The following GINS2 variants were observed in gnomAD, a reference collection of about 807,000 sequenced individuals.
GINS2 encodes the protein GINS complex subunit 2.
A neutral mutation model predicts 21.2 loss-of-function variants in GINS2; 23 were observed. That is an observed-to-expected ratio of 1.08 (90% CI 0.78 to 1.53). GINS2 has a LOEUF of 1.53. GINS2 is among the 40% of genes most tolerant of loss of function. The pLI is 0.00. For synonymous variants in GINS2, 118 were observed against 85.6 expected (o/e 1.38, Z -2.09); for missense variants, 323 against 233.9 (o/e 1.38, Z -2.49).
At position 85,686,011 on chromosome 16, in the gene GINS2, A is replaced by ATT. The variant is rs111568499; in HGVS notation, c.205+1447_205+1448dup. ...CACCAACACACACAAAAAAATTAAG[A>ATT]TTTTTTTTCCCTATAATAAGCTACT... is the stretch of plus-strand genomic sequence containing the variant. On this transcript the variant is annotated intron_variant, in intron 2 of 4. Transcript: ENST00000253462. Among the ~76,000 whole-genome samples, 938 of 151,616 alleles carry ATT rather than the reference A, an allele frequency of 6.2e-3. 12 individuals are homozygous for ATT. The highest frequency in any genetic ancestry group is 0.021 in the African/African-American group (875 of 41,294).
Position 85,677,831 on chromosome 16 carries a change from T to A in GINS2, c.*381A>T, listed in dbSNP as rs1241119556. 1 of 171,654 alleles carries A rather than the reference T, an allele frequency of 5.8e-6. No individual in the cohort carries two copies. The highest frequency in any genetic ancestry group is 1.3e-5 in the Non-Finnish European group (1 of 79,904). 10.6% of individuals were successfully genotyped at this position (171,654 alleles called of 1,614,324 possible). ...AGGATCAAGAAGGGGTAAAAAGCCGTGGACCACATGGCCACTCCTGCTGTA... is the reference window on the plus strand; with the variant it reads ...AGGATCAAGAAGGGGTAAAAAGCCGAGGACCACATGGCCACTCCTGCTGTA... On this transcript the variant is annotated 3_prime_UTR_variant, in exon 5 of 5. Coordinates refer to ENST00000253462, the MANE Select transcript of GINS2 (RefSeq NM_016095.3).
chr16:85,687,356 G>T, intron 2 of GINS2, 104 bp downstream of exon 2: 1 of 596,750 alleles, frequency 1.7e-6, no homozygotes, highest in Non-Finnish European at 3.0e-6. Flanking sequence ...GAGGGAGCAC[G>T]GACCTAGTCA....
chr16:85,681,665 C>G lies in GINS2; in HGVS notation c.222G>C (p.Met74Ile), dbSNP rs1598759805. 1 of 1,604,954 alleles carries G rather than the reference C, an allele frequency of 6.2e-7. No individual in the cohort carries two copies. The highest frequency in any genetic ancestry group is 1.1e-5 in the South Asian group (1 of 90,808). Reference sequence around the variant, plus strand: ...TTTCTTCCTTTCGTTCATGATCCCTCATCTTCTCCAACTTTTCTGAAATTT... The same window carrying G: ...TTTCTTCCTTTCGTTCATGATCCCTGATCTTCTCCAACTTTTCTGAAATTT... ...EWMDVEKLEK[M>I]RDHERKEETF... The change falls in exon 3 of 5, where the codon ATG (methionine) becomes ATC (isoleucine). Residue 74 changes from methionine (M) to isoleucine (I), a missense_variant. Transcript: ENST00000253462.
At chr16:85,685,683 A>AAAAAAAAAAAAAAAAAAC (rs2053769975) in intron 2 of GINS2, among the ~76,000 whole-genome samples, 1 of 149,550 alleles carries the variant, frequency 6.7e-6, no homozygotes, top group African/African-American at 2.5e-5. Context: ...AAAAAAAAAA[A>AAAAAAAAAAAAAAAAAAC]AAAAAAAACC....
chr16:85,679,305 G>C (rs1216964476), intron 3 of GINS2, among the ~76,000 whole-genome samples: 2 of 152,228 alleles, frequency 1.3e-5, no homozygotes, highest in Non-Finnish European at 2.9e-5. Context: ...ATTCTGGCTA[G>C]AAGCTCAAAG....
intron 2 of GINS2, among the ~76,000 whole-genome samples, chr16:85,685,685 A>AAAAAAAAAAAAAAAAAAAAAAATC: frequency 8.3e-6 from 1 of 120,900 alleles, no homozygotes; most frequent in Non-Finnish European, 1.9e-5. Flanking sequence ...AAAAAAAAAA[A>AAAAAAAAAAAAAAAAAAAAAAATC]AAAAAACCGT....
intron 3 of GINS2, among the ~76,000 whole-genome samples, chr16:85,681,349 G>C (rs923497909): frequency 6.6e-5 from 10 of 152,212 alleles, no homozygotes; most frequent in Non-Finnish European, 1.2e-4. Flanking sequence ...GGAAAAATGA[G>C]AGACAGAGAA....
intron 2 of GINS2, among the ~76,000 whole-genome samples, chr16:85,685,679 A>AAAAAAAAAAAAAAAAAAAAAAAAAC (rs1567792804): frequency 6.9e-6 from 1 of 144,154 alleles, no homozygotes; most frequent in African/African-American, 2.8e-5. Flanking sequence ...TCAAAAAAAA[A>AAAAAAAAAAAAAAAAAAAAAAAAAC]AAAAAAAAAA....
chr16:85,684,654 G>A (rs1478353968), intron 2 of GINS2, among the ~76,000 whole-genome samples: 1 of 151,714 alleles, frequency 6.6e-6, no homozygotes, highest in African/African-American at 2.4e-5. Context: ...GAAAGGGGTT[G>A]GGAGCTGAGC....
In GINS2 at chr16:85,678,290, G is replaced by A. The variant is rs997911014; in HGVS notation, c.480C>T (p.Leu160=). ...TGTACATGTGGTTGAGCGCTTGTGT[G>A]AGGAAAGTCCCGCTGGTGTTGATCT... ...LMEINTSGTF[L]TQALNHMYKL... is the part of the protein sequence containing the mutation. Residue 160 remains leucine, a synonymous_variant, in exon 5 of 5, where the codon CTC becomes CTT. Coordinates refer to ENST00000253462, the MANE Select transcript of GINS2 (RefSeq NM_016095.3). 3 of 1,612,924 alleles carry A rather than the reference G, an allele frequency of 1.9e-6. No individual in the cohort carries two copies. The highest frequency in any genetic ancestry group is 2.5e-6 in the Non-Finnish European group (3 of 1,179,024).
chr16:85,688,931 T>G lies in GINS2; in HGVS notation c.-33A>C. On this transcript the variant is annotated 5_prime_UTR_variant, in exon 1 of 5. Transcript: ENST00000253462. The stretch of plus-strand genomic sequence containing the variant: ...CGAGCTGCAGGCCAGAGCCTCACGG[T>G]CTCCTCGGGCCCCTCAGCGTCCCGG... The G allele has an allele frequency of 6.8e-7, 1 of 1,464,718 alleles. No individual in the cohort carries two copies. Among genetic ancestry groups the G allele is most frequent in the East Asian group, 2.6e-5 (1 of 38,824 alleles). The allele number at this position is 1,464,718 out of a possible 1,614,324, so 90.7% of individuals were successfully genotyped here.
At chr16:85,680,014 T>G (rs1028777215) in intron 3 of GINS2, among the ~76,000 whole-genome samples, 1 of 152,172 alleles carries the variant, frequency 6.6e-6, no homozygotes, top group African/African-American at 2.4e-5. Context: ...GTCCACCTCC[T>G]ACAAGTCTGC....
chr16:85,684,763 T>C lies in GINS2; in HGVS notation c.205+2697A>G, dbSNP rs370212006. Among the ~76,000 whole-genome samples, 68 of 150,854 alleles carry C rather than the reference T, an allele frequency of 4.5e-4. 1 individual carries two copies. The South Asian group carries it at 0.014, about 31-fold the overall frequency. On this transcript the variant is annotated intron_variant, in intron 2 of 4. Transcript: ENST00000253462. The stretch of plus-strand genomic sequence containing the variant: ...AAAATGACATACTAGATTATTCCAT[T>C]TACATGAAGTCCCAGAACAGGCAGA...
In GINS2 at chr16:85,681,651, C is replaced by T. The variant is rs755808812; in HGVS notation, c.236G>A (p.Arg79Gln). Residue 79 changes from arginine to glutamine, a missense_variant, in exon 3 of 5, where the codon CGA (arginine) becomes CAA (glutamine). Arg to Gln is a conservative substitution (Grantham distance 43). Transcript: ENST00000253462. Reference protein sequence around the residue: ...EKLEKMRDHERKEETFTPMPS... With the variant: ...EKLEKMRDHEQKEETFTPMPS... ...CATTGGGGTAAAAGTTTCTTCCTTTCGTTCATGATCCCTCATCTTCTCCAA... is the reference window on the plus strand; with the variant it reads ...CATTGGGGTAAAAGTTTCTTCCTTTTGTTCATGATCCCTCATCTTCTCCAA... 14 of 1,610,544 alleles carry T rather than the reference C, an allele frequency of 8.7e-6. No homozygotes were observed. Among genetic ancestry groups the T allele is most frequent in the East Asian group, 2.2e-5 (1 of 44,872 alleles).
In GINS2 at chr16:85,679,745, C is replaced by G. The variant is rs191021817; in HGVS notation, c.306-1079G>C. 5.3e-3 allele frequency among the ~76,000 whole-genome samples: 807 copies of G among 152,256 alleles called. 3 individuals carry two copies. The highest frequency in any genetic ancestry group is 8.4e-3 in the Non-Finnish European group (572 of 68,016). ...GATAGGCCCCCTCACCTAGCTAATG[C>G]CAAATTCTTACCTAGCCTGTTTATA... is the stretch of plus-strand genomic sequence containing the variant. On this transcript the variant is annotated intron_variant, in intron 3 of 4. Coordinates refer to ENST00000253462, the MANE Select transcript of GINS2 (RefSeq NM_016095.3).
chr16:85,681,370 C>CCCT (rs1479027127), intron 3 of GINS2, among the ~76,000 whole-genome samples: 1 of 152,216 alleles, frequency 6.6e-6, no homozygotes, highest in East Asian at 1.9e-4. Context: ...AGGCAAAGAA[C>CCCT]AGACAGAAAG....
At chr16:85,685,330 C>G (rs942114234) in intron 2 of GINS2, among the ~76,000 whole-genome samples, 1 of 152,040 alleles carries the variant, frequency 6.6e-6, no homozygotes, top group Admixed American at 6.6e-5. Flanking sequence ...AAACAAGGGG[C>G]CTGGAGAGGA....
In GINS2 at chr16:85,681,653, T is replaced by C. The variant is rs759111267; in HGVS notation, c.234A>G (p.Glu78=). The part of the protein sequence containing the change: ...VEKLEKMRDH[E]RKEETFTPMP... ...TTGGGGTAAAAGTTTCTTCCTTTCG[T>C]TCATGATCCCTCATCTTCTCCAACT... Residue 78 remains glutamate (E), a synonymous_variant, in exon 3 of 5, where the codon GAA becomes GAG. Coordinates refer to ENST00000253462, the MANE Select transcript of GINS2 (RefSeq NM_016095.3). 146 of 1,610,764 alleles carry C rather than the reference T, an allele frequency of 9.1e-5. No individual in the cohort carries two copies. Among genetic ancestry groups the C allele is most frequent in the Non-Finnish European group, 1.2e-4 (136 of 1,177,116 alleles).
Position 85,678,033 on chromosome 16 carries a change from A to C in GINS2, c.*179T>G. On this transcript the variant is annotated 3_prime_UTR_variant, in exon 5 of 5. Transcript: ENST00000253462. ...TGTGGAATTGAAGAATGTCCCAGGG[A>C]GCTAAGTTTTAAGGACTAATCACAA... 1 of 572,034 alleles carries C rather than the reference A, an allele frequency of 1.7e-6. No individual in the cohort carries two copies. The highest frequency in any genetic ancestry group is 1.9e-5 in the African/African-American group (1 of 52,828). 35.4% of individuals were successfully genotyped at this position (572,034 alleles called of 1,614,324 possible).
Sources: allele counts gnomAD v4.1 joint callset (sites outside exome capture counted in the v4.1 genomes callset), GRCh38; gene constraint gnomAD v4.1.1; transcripts MANE v1.5; gene names NCBI Gene and HGNC (gene_info 2026-07-23, HGNC 2026-07-21).